The following DMD variants were observed in gnomAD, a reference collection of about 807,000 sequenced individuals.
DMD encodes the protein dystrophin.
In DMD, 63 loss-of-function variants were observed where a neutral mutation model predicts 330.1. The observed-to-expected ratio is 0.19, with a 90% CI of 0.16 to 0.24. The LOEUF is 0.24. DMD is among the 10% of genes least tolerant of loss of function. DMD has a pLI of 1.00. For missense variants in DMD, 3,344 were observed against 2,684.1 expected (o/e 1.25, Z -5.43); for synonymous variants, 1,223 against 959.8 (o/e 1.27, Z -5.07).
chrX:32,356,550 A>T (rs1393426158), intron 37 of DMD, among the ~76,000 whole-genome samples: 1 of 111,084 alleles, frequency 9.0e-6, no homozygotes, highest in East Asian at 2.8e-4. Flanking sequence ...CAAGGCCTAT[A>T]TGGAAATTAA....
At chrX:33,263,414 C>A (rs1328584690) in intron 1 of DMD, among the ~76,000 whole-genome samples, 2 of 106,213 alleles carry the variant, frequency 1.9e-5, no homozygotes, top group Non-Finnish European at 3.8e-5. Context: ...GCATCCTTAA[C>A]CAGAGTCAGA....
chrX:32,870,782 G>C (rs1292138207), intron 2 of DMD, among the ~76,000 whole-genome samples: 1 of 109,458 alleles, frequency 9.1e-6, no homozygotes, highest in Non-Finnish European at 1.9e-5. Flanking sequence ...ACTCAAGATG[G>C]ATTAAAGACT....
intron 7 of DMD, among the ~76,000 whole-genome samples, chrX:32,741,720 T>C (rs1180281253): frequency 2.7e-5 from 3 of 112,001 alleles, no homozygotes; most frequent in African/African-American, 9.7e-5. Context: ...CTCTAATTGG[T>C]ATAATACCAA....
At chrX:32,798,224 A>C (rs761348709) in intron 7 of DMD, among the ~76,000 whole-genome samples, 6 of 112,285 alleles carry the variant, frequency 5.3e-5, no homozygotes, top group Non-Finnish European at 9.4e-5. Context: ...AATTTGGGAC[A>C]GTTACATGCA....
chrX:33,332,267 A>G (rs2054191344), intron 1 of DMD, among the ~76,000 whole-genome samples: 1 of 112,078 alleles, frequency 8.9e-6, no homozygotes, highest in Non-Finnish European at 1.9e-5. Context: ...AGCTTTAAGC[A>G]TGCTAACATT....
rs1060504677 is a variant in DMD, at chrX:31,146,284, C to A, written c.10921+7G>T. 1.7e-6 allele frequency: 2 copies of A among 1,210,392 alleles called. No homozygotes were observed. Among genetic ancestry groups the A allele is most frequent in the Non-Finnish European group, 2.2e-6 (2 of 894,675 alleles). ...CAACAAAATCTGAGAGTAGCTAGGA[C>A]ACTTACCCATGGAGTCCGAAGTTTG... On this transcript the variant is annotated splice_region_variant and intron_variant, in intron 76 of 78. Transcript: ENST00000357033.
intron 7 of DMD, among the ~76,000 whole-genome samples, chrX:32,700,582 G>A (rs751053792): frequency 8.9e-6 from 1 of 111,750 alleles, no homozygotes; most frequent in African/African-American, 3.2e-5. Flanking sequence ...CTAAGCATAT[G>A]AAGTAAAACA....
At chrX:32,322,921 G>A (rs2097626599) in intron 41 of DMD, among the ~76,000 whole-genome samples, 1 of 111,953 alleles carries the variant, frequency 8.9e-6, no homozygotes, top group African/African-American at 3.2e-5. Context: ...AAAATGCAAG[G>A]TTTACAAAGT....
At chrX:31,520,367 TTC>T (rs1489379166) in intron 55 of DMD, among the ~76,000 whole-genome samples, 1 of 109,900 alleles carries the variant, frequency 9.1e-6, no homozygotes, top group Non-Finnish European at 1.9e-5. Context: ...CATTCACTCT[TTC>T]TCTCTCTCTC....
intron 63 of DMD, among the ~76,000 whole-genome samples, chrX:31,240,706 A>G (rs912367952): frequency 1.8e-5 from 2 of 111,952 alleles, no homozygotes; most frequent in African/African-American, 6.5e-5. Context: ...AATAAATAAC[A>G]TAAATTCTCA....
chrX:32,759,544 G>C (rs777791732), intron 7 of DMD, among the ~76,000 whole-genome samples: 1 of 111,061 alleles, frequency 9.0e-6, no homozygotes, highest in African/African-American at 3.3e-5. Flanking sequence ...AAAATTGTTT[G>C]CTTGTTCTCT....
intron 30 of DMD, among the ~76,000 whole-genome samples, chrX:32,394,916 C>CAAAAAAAAAAAAAAAAAAAAAAAAAAA (rs72234458): frequency 2.6e-5 from 1 of 39,059 alleles, no homozygotes; most frequent in Non-Finnish European, 5.0e-5. Context: ...AACAAAAAAA[C>CAAAAAAAAAAAAAAAAAAAAAAAAAAA]AAAAAAAAAA....
chrX:31,225,251 G>A (rs139396332), intron 63 of DMD, among the ~76,000 whole-genome samples: 1,330 of 112,423 alleles, frequency 0.012, 21 homozygotes, highest in African/African-American at 0.041. Context: ...TTAATCAGGA[G>A]TGAACTCCAA....
Position 32,485,734 on chromosome X carries a change from C to CTTTTTT in DMD, c.2623-641_2623-636dup, listed in dbSNP as rs5902034. ...CTCCTGACCAAACAGGCAACCACTG[C>CTTTTTT]TTTTTTTTTTTTTTTTTTTTTTTTT... On this transcript the variant is annotated intron_variant, in intron 20 of 78. Coordinates refer to ENST00000357033, the MANE Select transcript of DMD (RefSeq NM_004006.3). 4.3e-3 allele frequency among the ~76,000 whole-genome samples: 155 copies of CTTTTTT among 36,153 alleles called. 13 individuals carry two copies. Among genetic ancestry groups the CTTTTTT allele is most frequent in the African/African-American group, 0.014 (134 of 9,357 alleles). 31.4% of individuals were successfully genotyped at this position (36,153 alleles called of 115,157 possible). A position where few individuals can be genotyped will look rare whatever the true frequency, so the allele number is the denominator to read the frequency against.
At chrX:31,340,866 A>C (rs1277807166) in intron 61 of DMD, among the ~76,000 whole-genome samples, 2 of 112,256 alleles carry the variant, frequency 1.8e-5, no homozygotes, top group Non-Finnish European at 3.8e-5. Context: ...GGTACTGTAG[A>C]ATATAACTGT....
At position 31,212,166 on chromosome X, in the gene DMD, ATG is replaced by A. The variant is rs1163798688; in HGVS notation, c.9362-2469_9362-2468del. Among the ~76,000 whole-genome samples the A allele has an allele frequency of 4.4e-3, 376 of 85,046 alleles. 4 individuals carry two copies. The highest frequency in any genetic ancestry group is 0.011 in the East Asian group (21 of 1,996). 73.9% of individuals were successfully genotyped at this position (85,046 alleles called of 115,157 possible). ...ATATATTATATATATATATATATAT[ATG>A]TGTGTGTGTATGTGTGTGTGTGTGT... On this transcript the variant is annotated intron_variant, in intron 64 of 78. Transcript: ENST00000357033.
At chrX:32,748,849 C>T (rs1401651180) in intron 7 of DMD, among the ~76,000 whole-genome samples, 1 of 112,439 alleles carries the variant, frequency 8.9e-6, no homozygotes, top group African/African-American at 3.2e-5. Context: ...CAGCAAGTCA[C>T]TTCCTTACAA....
chrX:33,025,142 C>A (rs1306986966), intron 1 of DMD, among the ~76,000 whole-genome samples: 3 of 111,534 alleles, frequency 2.7e-5, no homozygotes, highest in Non-Finnish European at 5.6e-5. Context: ...TATGTAGCCA[C>A]ATGGGTGTTA....
intron 7 of DMD, among the ~76,000 whole-genome samples, chrX:32,744,264 C>G (rs1460700413): frequency 9.1e-6 from 1 of 109,290 alleles, no homozygotes; most frequent in Non-Finnish European, 1.9e-5. Context: ...TTTGCCAAAT[C>G]TAATAAACTA....
Sources: allele counts gnomAD v4.1 joint callset (sites outside exome capture counted in the v4.1 genomes callset), GRCh38; gene constraint gnomAD v4.1.1; transcripts MANE v1.5; gene names NCBI Gene and HGNC (gene_info 2026-07-23, HGNC 2026-07-21).